VIT: variants seen among roughly 807,000 people sequenced by gnomAD.
The protein encoded by VIT is vitrin.
A neutral mutation model predicts 78.0 loss-of-function variants in VIT; 99 were observed. The ratio of observed to expected loss-of-function variants is 1.27; its 90% CI spans 1.08 to 1.50. The LOEUF is 1.50. Among genes scored for constraint, VIT ranks in the 40% most tolerant of loss-of-function variants. The pLI, the probability that VIT is intolerant of heterozygous loss-of-function variation, is 0.00. For missense variants in VIT, 1,126 were observed against 875.3 expected (o/e 1.29, Z -3.61); for synonymous variants, 374 against 334.3 (o/e 1.12, Z -1.29).
intron 3 of VIT, among the ~76,000 whole-genome samples, chr2:36,740,018 G>A (rs1275706299): frequency 6.6e-6 from 1 of 152,214 alleles, no homozygotes; most frequent in Non-Finnish European, 1.5e-5. Context: ...CCCTCTGACT[G>A]TTCTGGCATT....
intron 12 of VIT, among the ~76,000 whole-genome samples, chr2:36,790,473 C>T (rs1439974338): frequency 6.6e-6 from 1 of 152,148 alleles, no homozygotes. Flanking sequence ...TGGGCAAGCA[C>T]CCTCTCCCAT....
At chr2:36,702,416 T>A (rs977166717) in intron 1 of VIT, among the ~76,000 whole-genome samples, 16 of 151,456 alleles carry the variant, frequency 1.1e-4, no homozygotes, top group South Asian at 2.1e-4. Flanking sequence ...TTTTTTTTTT[T>A]AAAAAAGACC....
intron 2 of VIT, among the ~76,000 whole-genome samples, chr2:36,727,998 G>A (rs1666958550): frequency 6.6e-6 from 1 of 151,850 alleles, no homozygotes; most frequent in South Asian, 2.1e-4. Context: ...GTGTGATCTC[G>A]GCTCACTGCA....
At chr2:36,773,967 C>A in intron 8 of VIT, 120 bp downstream of exon 8, 4 of 1,001,558 alleles carry the variant, frequency 4.0e-6, no homozygotes, top group South Asian at 3.2e-5. Flanking sequence ...ACCACTTAGG[C>A]CAACAGAAGA....
At chr2:36,700,018 AAT>A (rs1403246603) in intron 1 of VIT, among the ~76,000 whole-genome samples, 17 of 138,230 alleles carry the variant, frequency 1.2e-4, no homozygotes, top group South Asian at 9.3e-4. Context: ...AATGTTAGTT[AAT>A]TTTTTTTAAT....
At chr2:36,803,750 A>G (rs1666499086) in intron 13 of VIT, among the ~76,000 whole-genome samples, 2 of 152,226 alleles carry the variant, frequency 1.3e-5, no homozygotes, top group African/African-American at 2.4e-5. Context: ...GGCCAAAATC[A>G]GAAATGCATT....
intron 8 of VIT, 130 bp from the exon 9 acceptor site, chr2:36,774,872 C>G (rs1470237691): frequency 6.7e-7 from 1 of 1,486,180 alleles, no homozygotes; most frequent in Non-Finnish European, 9.0e-7. Flanking sequence ...GAAGTACAAC[C>G]AGGCACAGAG....
chr2:36,783,552 G>C, intron 11 of VIT, 150 bp downstream of exon 11: 1 of 763,350 alleles, frequency 1.3e-6, no homozygotes, highest in Admixed American at 2.6e-5. Context: ...TAAGGGGAAA[G>C]GGAAGCTTTT....
intron 6 of VIT, among the ~76,000 whole-genome samples, chr2:36,760,596 CCTT>C (rs984021292): frequency 5.3e-5 from 8 of 152,148 alleles, no homozygotes; most frequent in Non-Finnish European, 1.0e-4. Context: ...TGACAGGTCT[CCTT>C]AAGTGGCTGG....
chr2:36,811,995 T>C (rs906785984), intron 15 of VIT, among the ~76,000 whole-genome samples: 1 of 152,038 alleles, frequency 6.6e-6, no homozygotes, highest in Non-Finnish European at 1.5e-5. Context: ...AAATTTCTAA[T>C]ACTGTTTGCG....
chr2:36,801,763 G>A (rs1441954408), intron 13 of VIT, among the ~76,000 whole-genome samples: 27 of 147,274 alleles, frequency 1.8e-4, no homozygotes, highest in Admixed American at 9.5e-4. Context: ...GTGGCAGAGC[G>A]AGACTCCATC....
At chr2:36,747,661 G>C (rs1668219449) in intron 4 of VIT, among the ~76,000 whole-genome samples, 1 of 152,186 alleles carries the variant, frequency 6.6e-6, no homozygotes, top group Admixed American at 6.5e-5. Context: ...GTGTGAGATG[G>C]TCTCTTGAAG....
At chr2:36,774,819 C>T in intron 8 of VIT, 183 bp from the exon 9 acceptor site, 2 of 985,386 alleles carry the variant, frequency 2.0e-6, no homozygotes, top group Non-Finnish European at 2.4e-6. Context: ...ACTGTTTCCT[C>T]CTGTCCCCTT....
intron 14 of VIT, among the ~76,000 whole-genome samples, chr2:36,807,344 G>A (rs1666803919): frequency 6.6e-6 from 1 of 152,038 alleles, no homozygotes; most frequent in South Asian, 2.1e-4. Context: ...CCACAGCCCT[G>A]TGTTCAGTCC....
intron 1 of VIT, among the ~76,000 whole-genome samples, chr2:36,699,815 G>A (rs926117598): frequency 3.3e-5 from 5 of 152,082 alleles, no homozygotes; most frequent in South Asian, 2.1e-4. Flanking sequence ...CCTTACATGC[G>A]AGGTCAAGGC....
chr2:36,771,764 G>A (rs1669774236), intron 7 of VIT, among the ~76,000 whole-genome samples: 1 of 152,094 alleles, frequency 6.6e-6, no homozygotes, highest in African/African-American at 2.4e-5. Flanking sequence ...TTTTTTAAAG[G>A]AGATAATTTA....
At chr2:36,773,388 C>A (rs934025965) in intron 7 of VIT, among the ~76,000 whole-genome samples, 2 of 151,614 alleles carry the variant, frequency 1.3e-5, no homozygotes, top group Non-Finnish European at 1.5e-5. Flanking sequence ...AGAGCTTCAC[C>A]TTGTTTCCAA....
chr2:36,720,632 G>C (rs929323371), intron 2 of VIT, among the ~76,000 whole-genome samples: 5 of 152,140 alleles, frequency 3.3e-5, no homozygotes, highest in African/African-American at 9.7e-5. Flanking sequence ...ATCTACAAAA[G>C]CCAAACTGAT....
At position 36,781,791 on chromosome 2, in the gene VIT, T is replaced by C. The variant is rs751978845; in HGVS notation, c.847+20T>C. On this transcript the variant is annotated intron_variant, in intron 10 of 15. Transcript: ENST00000379242. ...ATGAAGGTAATTATACAGCCCAACC[T>C]CTCAGCCACGCGTGGATCAAGATGC... The C allele has an allele frequency of 1.2e-6, 2 of 1,613,956 alleles. No homozygotes were observed. The highest frequency in any genetic ancestry group is 4.5e-5 in the East Asian group (2 of 44,880).
Sources: gnomAD v4.1 joint callset for allele counts (sites outside exome capture counted in the v4.1 genomes callset) on GRCh38, gnomAD v4.1.1 for gene constraint, MANE v1.5 for transcripts, NCBI Gene and HGNC (gene_info 2026-07-23, HGNC 2026-07-21) for gene names.